Variants in TTC4 observed in about 807,000 individuals in gnomAD.
The protein encoded by TTC4 is hsp70/Hsp90 co-chaperone CNS1 homolog.
In TTC4, 36 loss-of-function variants were observed where a neutral mutation model predicts 51.9. The observed-to-expected ratio is 0.69, with a 90% CI of 0.53 to 0.92. TTC4 has a LOEUF of 0.92. Ranked by LOEUF, TTC4 falls within the 40% of genes least tolerant of loss-of-function variation. TTC4 has a pLI of 0.00. For synonymous variants in TTC4, 144 were observed against 164.2 expected, an observed-to-expected ratio of 0.88 and a Z score of 0.94; for missense variants, 399 against 454.6, an observed-to-expected ratio of 0.88 and a Z score of 1.11.
chr1:54,738,661 C>T (rs1298358057), intron 9 of TTC4, among the ~76,000 whole-genome samples: 4 of 138,828 alleles, frequency 2.9e-5, no homozygotes, highest in South Asian at 2.3e-4. Flanking sequence ...CTAGGATGGC[C>T]TTTTTTTTTT....
At chr1:54,724,280 T>C (rs1051209167) in intron 5 of TTC4, among the ~76,000 whole-genome samples, 4 of 151,822 alleles carry the variant, frequency 2.6e-5, no homozygotes, top group Non-Finnish European at 5.9e-5. Flanking sequence ...TTTTTTTTTT[T>C]CATGAGACAG....
chr1:54,722,214 G>T (rs1220346225), intron 4 of TTC4, among the ~76,000 whole-genome samples: 1 of 151,706 alleles, frequency 6.6e-6, no homozygotes, highest in East Asian at 1.9e-4. Flanking sequence ...AATGTTTTTG[G>T]CCTTGCCACT....
intron 3 of TTC4, among the ~76,000 whole-genome samples, chr1:54,720,130 G>C (rs983931687): frequency 6.6e-5 from 10 of 152,022 alleles, no homozygotes; most frequent in Admixed American, 5.2e-4. Context: ...TTGAACTCCT[G>C]GTCTTAAGCA....
chr1:54,716,183 T>A, intron 1 of TTC4, 164 bp downstream of exon 1: 2 of 635,344 alleles, frequency 3.1e-6, no homozygotes, highest in Non-Finnish European at 5.6e-6. Context: ...TTGAGTCGCT[T>A]CTTAAGCTGA....
rs1298436729 is a variant in TTC4, at chr1:54,716,705, C to G, written c.217C>G (p.Arg73Gly). The change falls in exon 2 of 10, where the codon CGT (arginine) becomes GGT (glycine). Residue 73 changes from arginine (R) to glycine (G), a missense_variant. Coordinates refer to ENST00000371281, the MANE Select transcript of TTC4 (RefSeq NM_004623.5). Reference sequence around the variant, plus strand: ...CCAGTCAATTATTTTTGATGAGGAGCGTTCTCCAGAAGGTATCTTAACATG... The same window carrying G: ...CCAGTCAATTATTTTTGATGAGGAGGGTTCTCCAGAAGGTATCTTAACATG... The part of the protein sequence containing the change: ...CLQSIIFDEE[R>G]SPEEQAKTYK... 7 of 1,610,036 alleles carry G rather than the reference C, an allele frequency of 4.3e-6. No individual in the cohort carries two copies. The highest frequency in any genetic ancestry group is 5.9e-6 in the Non-Finnish European group (7 of 1,178,676).
In TTC4 at chr1:54,741,911, CACAA is replaced by C. The variant is rs34946952; in HGVS notation, c.*407_*410del. The C allele has an allele frequency of 0.098, 19,744 of 201,390 alleles. 1,849 individuals are homozygous for C. Among genetic ancestry groups the C allele is most frequent in the African/African-American group, 0.26 (11,025 of 42,598 alleles). 12.5% of individuals were successfully genotyped at this position (201,390 alleles called of 1,614,324 possible). ...CTACCCCTCAAACTGCACATCTACA[CACAA>C]ACAAACAATGCATAGGATTCCAAGG... is the stretch of plus-strand genomic sequence containing the variant. On this transcript the variant is annotated 3_prime_UTR_variant, in exon 10 of 10. Transcript: ENST00000371281.
intron 5 of TTC4, among the ~76,000 whole-genome samples, chr1:54,723,021 A>G (rs1645761882): frequency 6.6e-6 from 1 of 152,246 alleles, no homozygotes; most frequent in East Asian, 1.9e-4. Context: ...GTCATGTGCC[A>G]CATAACAGTG....
At chr1:54,732,913 C>T (rs1466414272) in intron 7 of TTC4, among the ~76,000 whole-genome samples, 1 of 151,458 alleles carries the variant, frequency 6.6e-6, no homozygotes, top group Non-Finnish European at 1.5e-5. Flanking sequence ...TGGCAAAATC[C>T]CGTGCCTAAT....
intron 1 of TTC4, 144 bp downstream of exon 1, chr1:54,716,163 C>T: frequency 1.4e-6 from 1 of 711,576 alleles, no homozygotes; most frequent in Non-Finnish European, 2.4e-6. Flanking sequence ...TGAAAATCGG[C>T]CTCGAGGTTT....
At position 54,731,568 on chromosome 1, in the gene TTC4, G is replaced by A; in HGVS notation, c.764G>A (p.Gly255Glu). The A allele has an allele frequency of 6.2e-7, 1 of 1,614,084 alleles. No homozygotes were observed. The highest frequency in any genetic ancestry group is 8.5e-7 in the Non-Finnish European group (1 of 1,180,002). The stretch of plus-strand genomic sequence containing the variant: ...GGTCTAGGTGAGCTTTTCCTGGATG[G>A]ACTCAGCACTGAGAACCCCCATGGA... ...SEGLGELFLD[G>E]LSTENPHGAR... The change falls in exon 7 of 10, where the codon GGA (glycine) becomes GAA (glutamate). Residue 255 changes from glycine to glutamate, a missense_variant. This residue lies in a region of TTC4 where 316 missense variants were observed against 349.6 expected (regional missense o/e 0.90). Transcript: ENST00000371281.
At chr1:54,725,953 G>A (rs1348886103) in intron 5 of TTC4, among the ~76,000 whole-genome samples, 1 of 152,084 alleles carries the variant, frequency 6.6e-6, no homozygotes, top group Non-Finnish European at 1.5e-5. Flanking sequence ...AAAGAATAAG[G>A]ATGAAGAGAG....
intron 9 of TTC4, among the ~76,000 whole-genome samples, chr1:54,741,020 TC>T (rs1298235825): frequency 4.6e-5 from 7 of 152,188 alleles, no homozygotes; most frequent in African/African-American, 1.7e-4. Context: ...ATTAATTGGT[TC>T]CTCATCTCCC....
intron 7 of TTC4, among the ~76,000 whole-genome samples, chr1:54,732,042 A>T (rs1046368308): frequency 1.1e-4 from 17 of 152,250 alleles, no homozygotes; most frequent in East Asian, 9.6e-4. Context: ...TAGAAAAAAA[A>T]ATATAGAGGC....
At position 54,737,656 on chromosome 1, in the gene TTC4, G is replaced by A. The variant is rs1479138149; in HGVS notation, c.1053G>A (p.Gln351=). ...PAKSTLLQVL[Q]HQRYFVKALT... The stretch of plus-strand genomic sequence containing the variant: ...AGAGCACCTTGCTACAGGTTCTACA[G>A]CACCAGAGGTGAGTCATCTCATGGC... The change falls in exon 9 of 10, where the codon CAG becomes CAA. Residue 351 remains glutamine (Q), a synonymous_variant. Transcript: ENST00000371281. 3 of 1,612,572 alleles carry A rather than the reference G, an allele frequency of 1.9e-6. No homozygotes were observed. The South Asian group carries it at 3.3e-5, about 18-fold the overall frequency.
Position 54,728,403 on chromosome 1 carries a change from C to A in TTC4, c.652C>A (p.Gln218Lys), listed in dbSNP as rs778422717. Residue 218 changes from glutamine to lysine, a missense_variant, in exon 6 of 10, where the codon CAG (glutamine) becomes AAG (lysine). Around this residue, in one of 3 missense-constraint regions of TTC4, gnomAD observed 316 missense variants for 349.6 expected, o/e 0.90. Coordinates refer to ENST00000371281, the MANE Select transcript of TTC4 (RefSeq NM_004623.5). ...ANLKEKKERNQNEALLQAIKA... is the reference protein window; with the variant it reads ...ANLKEKKERNKNEALLQAIKA... ...CTTGAAAGAAAAGAAGGAGAGGAAT[C>A]AGAATGAGGCTTTACTCCAGGCCAT... is the stretch of plus-strand genomic sequence containing the variant. 6.8e-6 allele frequency: 11 copies of A among 1,612,976 alleles called. No homozygotes were observed. The highest frequency in any genetic ancestry group is 9.3e-6 in the Non-Finnish European group (11 of 1,179,314).
chr1:54,728,478 A>C, intron 6 of TTC4, 46 bp downstream of exon 6: 1 of 1,550,440 alleles, frequency 6.4e-7, no homozygotes, highest in Admixed American at 1.8e-5. Context: ...TAAATCCACT[A>C]ATCCTGTGAA....
chr1:54,719,716 C>T (rs1195273831), intron 3 of TTC4, among the ~76,000 whole-genome samples: 1 of 152,130 alleles, frequency 6.6e-6, no homozygotes, highest in Non-Finnish European at 1.5e-5. Context: ...CTTTATTAGT[C>T]TGCTATTGTT....
At position 54,721,153 on chromosome 1, in the gene TTC4, G is replaced by C; in HGVS notation, c.392-10G>C. 6.2e-7 allele frequency: 1 copy of C among 1,612,888 alleles called. No homozygotes were observed. Among genetic ancestry groups the C allele is most frequent in the Non-Finnish European group, 8.5e-7 (1 of 1,179,272 alleles). On this transcript the variant is annotated splice_polypyrimidine_tract_variant and intron_variant, in intron 3 of 9. Transcript: ENST00000371281. The stretch of plus-strand genomic sequence containing the variant: ...AAACTTCTCTCTTTTACTAAACGGT[G>C]TTTTGTTAGGCAATTTTCGTTCTGC...
chr1:54,742,206 C>CT lies in TTC4; in HGVS notation c.*697dup, dbSNP rs1646019580. On this transcript the variant is annotated 3_prime_UTR_variant, in exon 10 of 10. Transcript: ENST00000371281. ...AGTTTTGACATTTAGGATTTTGTGT[C>CT]TTTTAAACTGGAAAATCTTCTAGCA... The CT allele has an allele frequency of 6.6e-6, 1 of 152,212 alleles. No homozygotes were observed. Among genetic ancestry groups the CT allele is most frequent in the Non-Finnish European group, 1.5e-5 (1 of 68,062 alleles). The allele number at this position is 152,212 out of a possible 1,614,324, so 9.4% of individuals were successfully genotyped here.
Sources: allele counts gnomAD v4.1 joint callset (sites outside exome capture counted in the v4.1 genomes callset), GRCh38; gene constraint gnomAD v4.1.1; regional missense constraint gnomAD v4.1.1; transcripts MANE v1.5; gene names NCBI Gene and HGNC (gene_info 2026-07-23, HGNC 2026-07-21).